The following HLTF variants were observed in gnomAD, a reference collection of about 807,000 sequenced individuals.
The protein encoded by HLTF is helicase like transcription factor.
HLTF carries 127 observed loss-of-function variants against 129.4 expected under a neutral mutation model. That is an observed-to-expected ratio of 0.98 (90% confidence interval 0.85 to 1.14). The LOEUF is 1.14. HLTF is among the 50% of genes most tolerant of loss of function. The pLI is 0.00. For missense variants in HLTF, 1,139 were observed against 1,187.1 expected, an observed-to-expected ratio of 0.96 and a Z score of 0.60; for synonymous variants, 332 against 388.8, an observed-to-expected ratio of 0.85 and a Z score of 1.72.
intron 8 of HLTF, among the ~76,000 whole-genome samples, chr3:149,066,485 T>C (rs1718390282): frequency 6.6e-6 from 1 of 152,148 alleles, no homozygotes; most frequent in African/African-American, 2.4e-5. Context: ...AATATTTCAG[T>C]CTACTTATGT....
intron 13 of HLTF, chr3:149,059,281 A>T (rs1717720322): frequency 7.4e-6 from 2 of 271,790 alleles, no homozygotes; most frequent in Non-Finnish European, 1.5e-5. Context: ...TCAAATATTT[A>T]GTCTCTTAAG....
chr3:149,072,354 C>T (rs1212906284), intron 5 of HLTF, among the ~76,000 whole-genome samples: 1 of 152,126 alleles, frequency 6.6e-6, no homozygotes, highest in African/African-American at 2.4e-5. Context: ...GTTCCTTCTG[C>T]CATTAAAATT....
chr3:149,086,017 T>C (rs1474021743), intron 1 of HLTF, among the ~76,000 whole-genome samples: 1 of 151,162 alleles, frequency 6.6e-6, no homozygotes, highest in East Asian at 1.9e-4. Flanking sequence ...TGGCGCACAG[T>C]GGGTATCTAA....
In HLTF at chr3:149,041,665, T is replaced by A. The variant is rs763129433; in HGVS notation, c.2201A>T (p.Asn734Ile). Reference sequence around the variant, plus strand: ...CTTTCTCAGTTCTTCAGGTGTATCATTTCCTAGAGAAAAGGCTGAAAAATT... The same window carrying A: ...CTTTCTCAGTTCTTCAGGTGTATCAATTCCTAGAGAAAAGGCTGAAAAATT... ...NAVSSNGPSGNDTPEELRKKL... is the reference protein window; with the variant it reads ...NAVSSNGPSGIDTPEELRKKL... The change falls in exon 20 of 25, where the codon AAT (asparagine) becomes ATT (isoleucine). Residue 734 changes from asparagine (N) to isoleucine (I), a missense_variant. Transcript: ENST00000310053. The A allele has an allele frequency of 1.2e-6, 2 of 1,604,638 alleles. No individual in the cohort carries two copies. The highest frequency in any genetic ancestry group is 1.3e-5 in the African/African-American group (1 of 74,808).
intron 8 of HLTF, among the ~76,000 whole-genome samples, chr3:149,066,044 ATCT>A (rs992663016): frequency 2.0e-5 from 3 of 151,760 alleles, no homozygotes; most frequent in Non-Finnish European, 2.9e-5. Flanking sequence ...CTTTGCATTC[ATCT>A]TCTTTTTTTT....
At chr3:149,061,492 G>A (rs1026347865) in intron 10 of HLTF, among the ~76,000 whole-genome samples, 2 of 151,946 alleles carry the variant, frequency 1.3e-5, no homozygotes, top group Admixed American at 6.6e-5. Flanking sequence ...TTCAATACCA[G>A]GTTTAATATT....
intron 2 of HLTF, among the ~76,000 whole-genome samples, chr3:149,079,377 A>T (rs1240362002): frequency 4.1e-5 from 1 of 24,340 alleles, no homozygotes; most frequent in Non-Finnish European, 8.4e-5. Context: ...AGTTTCTAAA[A>T]AAAAAAAAAA....
rs1432736960 is a variant in HLTF at position 149,071,339 on chromosome 3, G to A, written c.807C>T (p.Asp269=). ...AATTTGTTATTGTGTTATAGTATAA[G>A]TCATTTCGCTGTTCCCAGAATGGTG... is the stretch of plus-strand genomic sequence containing the variant. ...ELPPFWEQRN[D]LYYNTITNFS... The change falls in exon 7 of 25, where the codon GAC becomes GAT. Residue 269 remains aspartate (D), a synonymous_variant. Coordinates refer to ENST00000310053, the MANE Select transcript of HLTF (RefSeq NM_003071.4). 1.9e-6 allele frequency: 3 copies of A among 1,612,074 alleles called. No homozygotes were observed. The East Asian group carries it at 6.7e-5, about 36-fold the overall frequency.
intron 21 of HLTF, among the ~76,000 whole-genome samples, 166 bp from the exon 22 acceptor site, chr3:149,039,859 G>A (rs1329999258): frequency 6.6e-6 from 1 of 152,074 alleles, no homozygotes; most frequent in East Asian, 1.9e-4. Flanking sequence ...CTAATAATCT[G>A]AACCCATTCC....
intron 1 of HLTF, among the ~76,000 whole-genome samples, chr3:149,085,483 C>A (rs1720284645): frequency 6.6e-6 from 1 of 152,112 alleles, no homozygotes; most frequent in South Asian, 2.1e-4. Flanking sequence ...AGCGAGACTC[C>A]ATGTCAAAAA....
In HLTF at chr3:149,071,326, T is replaced by C. The variant is rs1212061206; in HGVS notation, c.820A>G (p.Thr274Ala). Residue 274 changes from threonine (T) to alanine (A), a missense_variant, in exon 7 of 25, where the codon ACA (threonine) becomes GCA (alanine). Coordinates refer to ENST00000310053, the MANE Select transcript of HLTF (RefSeq NM_003071.4). ...WEQRNDLYYN[T>A]ITNFSEKDRP... ...TCCTTCTCAGAAAAATTTGTTATTG[T>C]GTTATAGTATAAGTCATTTCGCTGT... 1.2e-6 allele frequency: 2 copies of C among 1,612,548 alleles called. No homozygotes were observed. The highest frequency in any genetic ancestry group is 1.7e-5 in the Admixed American group (1 of 59,896).
rs773709485 is a variant in HLTF, at chr3:149,040,141, G to A, written c.2392C>T (p.Pro798Ser). Residue 798 changes from proline (P) to serine (S), a missense_variant, in exon 21 of 25, where the codon CCT (proline) becomes TCT (serine). Coordinates refer to ENST00000310053, the MANE Select transcript of HLTF (RefSeq NM_003071.4). ...TCATGTATATCATTTCTGCATAAAG[G>A]GCATTTAGCATGTGGCTATATAAGA... ...IQNEQPHAKC[P>S]LCRNDIHEDN... 1.2e-6 allele frequency: 2 copies of A among 1,606,604 alleles called. No homozygotes were observed. The highest frequency in any genetic ancestry group is 2.2e-5 in the South Asian group (2 of 90,094).
chr3:149,069,677 C>T (rs1197351593), intron 7 of HLTF, among the ~76,000 whole-genome samples: 1 of 152,072 alleles, frequency 6.6e-6, no homozygotes, highest in Non-Finnish European at 1.5e-5. Flanking sequence ...CAACTAGTCA[C>T]TTTTTTCATG....
At chr3:149,075,675 C>T (rs1352736098) in intron 3 of HLTF, among the ~76,000 whole-genome samples, 3 of 152,126 alleles carry the variant, frequency 2.0e-5, no homozygotes, top group Non-Finnish European at 2.9e-5. Context: ...GGTAATAATT[C>T]CATAGGAAAA....
intron 2 of HLTF, among the ~76,000 whole-genome samples, chr3:149,078,660 A>G (rs1169062950): frequency 6.6e-6 from 1 of 152,162 alleles, no homozygotes; most frequent in Non-Finnish European, 1.5e-5. Flanking sequence ...GATCGAGACC[A>G]TCCTGGCTAA....
At chr3:149,063,067 C>CTT in intron 10 of HLTF, 5 of 408,410 alleles carry the variant, frequency 1.2e-5, no homozygotes, top group Non-Finnish European at 2.0e-5. Flanking sequence ...CTCTCTTTTT[C>CTT]TTTTTTTTTT....
intron 8 of HLTF, among the ~76,000 whole-genome samples, chr3:149,067,525 C>A (rs1423402746): frequency 6.6e-6 from 1 of 151,738 alleles, no homozygotes; most frequent in African/African-American, 2.4e-5. Flanking sequence ...GTTTTAGAGA[C>A]AGGGTCTCAC....
In HLTF at chr3:149,034,939, C is replaced by T. The variant is rs772272818; in HGVS notation, c.2856G>A (p.Lys952=). The change falls in exon 24 of 25, where the codon AAG becomes AAA. Residue 952 remains lysine (K), a synonymous_variant. Transcript: ENST00000310053. The part of the protein sequence containing the change: ...CFDRCHRLGQ[K]QEVIITKFIV... ...TCACTTTTGTGATGATAACTTCTTG[C>T]TTCTGACCAAGTCTATGGCATCTGT... 4 of 1,613,284 alleles carry T rather than the reference C, an allele frequency of 2.5e-6. No individual in the cohort carries two copies. Among genetic ancestry groups the T allele is most frequent in the Non-Finnish European group, 3.4e-6 (4 of 1,179,398 alleles).
chr3:149,040,383 C>A, intron 20 of HLTF: 1 of 412,926 alleles, frequency 2.4e-6, no homozygotes, highest in Non-Finnish European at 4.3e-6. Context: ...GTGATCTGGA[C>A]TAGCTAGAAG....
Sources: allele counts gnomAD v4.1 joint callset (sites outside exome capture counted in the v4.1 genomes callset), GRCh38; gene constraint gnomAD v4.1.1; transcripts MANE v1.5; gene names NCBI Gene and HGNC (gene_info 2026-07-23, HGNC 2026-07-21).